FAT2: variants seen among roughly 807,000 people sequenced by gnomAD.
The protein encoded by FAT2 is FAT atypical cadherin 2.
FAT2 carries 150 observed loss-of-function variants against 295.3 expected under a neutral mutation model. That is an observed-to-expected ratio of 0.51 (90% CI 0.44 to 0.58). The LOEUF is 0.58. Ranked by LOEUF, FAT2 falls within the 20% of genes least tolerant of loss-of-function variation. The probability of loss-of-function intolerance (pLI) is 0.00; values close to 1 mark genes in which losing one functional copy is unlikely to be tolerated. For synonymous variants in FAT2, 2,026 were observed against 2,150.3 expected, an observed-to-expected ratio of 0.94 and a Z score of 1.60; for missense variants, 4,868 against 5,442.7, an observed-to-expected ratio of 0.89 and a Z score of 3.32.
Position 151,582,250 on chromosome 5 carries a change from CA to C in FAT2, c.-21+8914del, listed in dbSNP as rs368628155. On this transcript the variant is annotated intron_variant, in intron 1 of 23. Transcript: ENST00000261800. ...CTGCAGGCCAAGTCCCTGTGTTCAA[CA>C]TTCAAGCCCCCCTGGGTTCTGTCCA... Among the ~76,000 whole-genome samples, 7 of 152,344 alleles carry C rather than the reference CA, an allele frequency of 4.6e-5. No individual in the cohort carries two copies. In the East Asian group the frequency reaches 1.4e-3, roughly 29 times the overall value.
chr5:151,578,713 C>A (rs192900889), intron 1 of FAT2, among the ~76,000 whole-genome samples: 1 of 152,132 alleles, frequency 6.6e-6, no homozygotes, highest in Admixed American at 6.5e-5. Context: ...ATGGAATTAC[C>A]GTAAATGTCC....
chr5:151,584,068 T>TA (rs1252941264), intron 1 of FAT2, among the ~76,000 whole-genome samples: 2 of 150,310 alleles, frequency 1.3e-5, no homozygotes, highest in African/African-American at 2.5e-5. Flanking sequence ...AGACTTTAAT[T>TA]AAAAAAGAAG....
rs373628939 is a variant in FAT2 at position 151,544,956 on chromosome 5, T to C, written c.6171A>G (p.Arg2057=). 37 of 1,614,026 alleles carry C rather than the reference T, an allele frequency of 2.3e-5. No homozygotes were observed. Among genetic ancestry groups the C allele is most frequent in the Middle Eastern group, 1.6e-4 (1 of 6,084 alleles). Residue 2057 remains arginine, a synonymous_variant, in exon 10 of 24, where the codon AGA becomes AGG. Transcript: ENST00000261800. Reference sequence around the variant, plus strand: ...TGTCATTGACATCCTCAATAGAGACTCTGACCAAACCCTGAGCCACCCGCT... The same window carrying C: ...TGTCATTGACATCCTCAATAGAGACCCTGACCAAACCCTGAGCCACCCGCT... ...TPQRVAQGLV[R]VSIEDVNDNP...
chr5:151,592,502 TA>T (rs1759453125), upstream of FAT2, among the ~76,000 whole-genome samples: 4 of 152,164 alleles, frequency 2.6e-5, no homozygotes. Flanking sequence ...TGCATACCTC[TA>T]ATTACAAGAA....
chr5:151,594,722 C>A (rs961474861), upstream of FAT2, among the ~76,000 whole-genome samples: 2 of 152,166 alleles, frequency 1.3e-5, no homozygotes, highest in South Asian at 4.1e-4. Flanking sequence ...CTTTCTAGAG[C>A]AATACAGCCA....
chr5:151,543,603 T>C lies in FAT2; in HGVS notation c.7524A>G (p.Lys2508=). ...TKVIDLLAID[K]DSGPYGTIDY... ...CTATAGTGCCATAGGGACCACTATC[T>C]TTGTCTATGGCTAGCAAATCAATCA... Residue 2508 remains lysine, a synonymous_variant, in exon 10 of 24, where the codon AAA becomes AAG. Coordinates refer to ENST00000261800, the MANE Select transcript of FAT2 (RefSeq NM_001447.3). 1 of 1,614,230 alleles carries C rather than the reference T, an allele frequency of 6.2e-7. No homozygotes were observed.
rs1262637410 is a variant in FAT2, at chr5:151,543,681, C to A, written c.7446G>T (p.Gln2482His). The A allele has an allele frequency of 3.1e-6, 5 of 1,614,052 alleles. No individual in the cohort carries two copies. The highest frequency in any genetic ancestry group is 4.2e-6 in the Non-Finnish European group (5 of 1,180,020). ...CTAATTCTGCCTCATAAAGGTGCTG[C>A]TGGAACTCTGGGCTGTACTTGTTGG... ...TNANKYSPEF[Q>H]QHLYEAELAE... The change falls in exon 10 of 24, where the codon CAG (glutamine) becomes CAT (histidine). Residue 2482 changes from glutamine to histidine, a missense_variant. By Grantham distance (24) the Gln-to-His change is conservative. This residue lies in a region of FAT2 where 3,297 missense variants were observed against 3,669.4 expected (regional missense o/e 0.90). Coordinates refer to ENST00000261800, the MANE Select transcript of FAT2 (RefSeq NM_001447.3).
chr5:151,558,735 G>A (rs1326879878), intron 3 of FAT2, among the ~76,000 whole-genome samples: 1 of 152,212 alleles, frequency 6.6e-6, no homozygotes, highest in Non-Finnish European at 1.5e-5. Context: ...TAGGGTCCTA[G>A]TACTGGCTCT....
In FAT2 at chr5:151,534,970, AATATATATAT is replaced by A. The variant is rs138459865; in HGVS notation, c.9194-338_9194-329del. Reference sequence around the variant, plus strand: ...TGGTTCGTAATTCCACTTCTAGGAAAATATATATATATATATATATATATATGTATACATT... The same window carrying A: ...TGGTTCGTAATTCCACTTCTAGGAAAATATATATATATATATGTATACATT... On this transcript the variant is annotated intron_variant, in intron 12 of 23. Transcript: ENST00000261800. Among the ~76,000 whole-genome samples, 100 of 106,418 alleles carry A rather than the reference AATATATATAT, an allele frequency of 9.4e-4. 9 individuals are homozygous for A. In the East Asian group the frequency reaches 0.018, roughly 19 times the overall value. 69.8% of individuals were successfully genotyped at this position (106,418 alleles called of 152,430 possible).
intron 18 of FAT2, among the ~76,000 whole-genome samples, chr5:151,523,029 CCTT>C (rs1450186511): frequency 1.3e-5 from 2 of 152,136 alleles, no homozygotes; most frequent in African/African-American, 2.4e-5. Context: ...GACAGGCTTG[CCTT>C]CTTCTCCTCA....
Position 151,545,730 on chromosome 5 carries a change from C to G in FAT2, c.5397G>C (p.Leu1799Phe), listed in dbSNP as rs767125570. The change falls in exon 10 of 24, where the codon TTG becomes TTC. Residue 1799 changes from leucine to phenylalanine, a missense_variant. Leu to Phe is a conservative substitution (Grantham distance 22). This residue lies in a region of FAT2 where 3,297 missense variants were observed against 3,669.4 expected (regional missense o/e 0.90). Transcript: ENST00000261800. ...ASDSDKEANSLLVYKILEPEA... is the reference protein window; with the variant it reads ...ASDSDKEANSFLVYKILEPEA... ...CCGGCTCCAAAATTTTATAGACCAACAAGGAATTAGCTTCTTTGTCACTGT... is the reference window on the plus strand; with the variant it reads ...CCGGCTCCAAAATTTTATAGACCAAGAAGGAATTAGCTTCTTTGTCACTGT... 1.9e-6 allele frequency: 3 copies of G among 1,613,920 alleles called. No individual in the cohort carries two copies. Among genetic ancestry groups the G allele is most frequent in the Non-Finnish European group, 2.5e-6 (3 of 1,180,020 alleles).
chr5:151,594,038 T>C (rs1316729532), upstream of FAT2, among the ~76,000 whole-genome samples: 1 of 152,190 alleles, frequency 6.6e-6, no homozygotes, highest in Non-Finnish European at 1.5e-5. Context: ...CTCATCTTTA[T>C]GTCAGCACTC....
chr5:151,550,160 C>T (rs958712775), intron 8 of FAT2, among the ~76,000 whole-genome samples: 2 of 152,150 alleles, frequency 1.3e-5, no homozygotes, highest in African/African-American at 4.8e-5. Flanking sequence ...CTCTTGGGGT[C>T]ATAAAAATGC....
rs762130877 is a variant in FAT2, at chr5:151,568,228, C to G, written c.704G>C (p.Gly235Ala). The G allele has an allele frequency of 1.2e-6, 2 of 1,613,990 alleles. No individual in the cohort carries two copies. The highest frequency in any genetic ancestry group is 4.5e-5 in the East Asian group (2 of 44,884). Residue 235 changes from glycine to alanine, a missense_variant, in exon 2 of 24, where the codon GGG becomes GCG. By Grantham distance (60) the Gly-to-Ala change is moderately conservative. Coordinates refer to ENST00000261800, the MANE Select transcript of FAT2 (RefSeq NM_001447.3). Reference sequence around the variant, plus strand: ...CACAAGTGCAGCCAGGCTGCCAAACCCATTGCCCTCAGAGATTTTCCGCAT... The same window carrying G: ...CACAAGTGCAGCCAGGCTGCCAAACGCATTGCCCTCAGAGATTTTCCGCAT... ...DRMRKISEGN[G>A]FGSLAALVVH...
intron 15 of FAT2, among the ~76,000 whole-genome samples, chr5:151,528,664 T>C (rs1193523707): frequency 6.6e-6 from 1 of 152,098 alleles, no homozygotes; most frequent in Non-Finnish European, 1.5e-5. Context: ...GGGTGCACCA[T>C]AGCAGGGAGT....
At chr5:151,528,836 C>T (rs957478629) in intron 15 of FAT2, among the ~76,000 whole-genome samples, 2 of 152,170 alleles carry the variant, frequency 1.3e-5, no homozygotes, top group Non-Finnish European at 2.9e-5. Context: ...CCACGTCACC[C>T]GCTATGACCA....
In FAT2 at chr5:151,565,655, CT is replaced by C; in HGVS notation, c.3259+17del. On this transcript the variant is annotated intron_variant, in intron 2 of 23. Transcript: ENST00000261800. ...CTACCTCTGGCCCTGGCACCCCACC[CT>C]ACCCCACCCCCAGTACCTGTATCTT... The C allele has an allele frequency of 3.2e-5, 48 of 1,483,742 alleles. No individual in the cohort carries two copies. The highest frequency in any genetic ancestry group is 7.1e-5 in the East Asian group (3 of 42,010). 91.9% of individuals were successfully genotyped at this position (1,483,742 alleles called of 1,614,324 possible).
In FAT2 at chr5:151,542,903, G is replaced by T; in HGVS notation, c.8224C>A (p.Leu2742Ile). The change falls in exon 10 of 24, where the codon CTA becomes ATA. Residue 2742 changes from leucine to isoleucine, a missense_variant. Physicochemically the swap from Leu to Ile is conservative, Grantham distance 5. This residue lies in a region of FAT2 where 3,297 missense variants were observed against 3,669.4 expected (regional missense o/e 0.90). Coordinates refer to ENST00000261800, the MANE Select transcript of FAT2 (RefSeq NM_001447.3). The stretch of plus-strand genomic sequence containing the variant: ...TTTATGACCCCTGTGTCTGGGTCTA[G>T]GGAGAAGACACCATCCTTGTTGCTC... ...PESNKDGVFSLDPDTGVIKVR... is the reference protein window; with the variant it reads ...PESNKDGVFSIDPDTGVIKVR... 6.2e-7 allele frequency: 1 copy of T among 1,614,182 alleles called. No individual in the cohort carries two copies. Among genetic ancestry groups the T allele is most frequent in the Non-Finnish European group, 8.5e-7 (1 of 1,180,020 alleles).
At chr5:151,506,217 C>CACCGAG in intron 23 of FAT2, 120 bp from the exon 24 acceptor site, 2 of 1,058,172 alleles carry the variant, frequency 1.9e-6, no homozygotes, top group Non-Finnish European at 2.6e-6. Context: ...GGCATAGGCC[C>CACCGAG]ATCTGTGCAG....
Sources: allele counts gnomAD v4.1 joint callset (sites outside exome capture counted in the v4.1 genomes callset), GRCh38; gene constraint gnomAD v4.1.1; regional missense constraint gnomAD v4.1.1; transcripts MANE v1.5; gene names NCBI Gene and HGNC (gene_info 2026-07-23, HGNC 2026-07-21).